The following MACROH2A1 variants were observed in gnomAD, a reference collection of about 807,000 sequenced individuals.
MACROH2A1 encodes core histone macro-H2A.1.
MACROH2A1 carries 2 observed loss-of-function variants against 31.6 expected under a neutral mutation model. The observed-to-expected ratio is 0.06, with a 90% CI of 0.03 to 0.20. The LOEUF (loss-of-function observed/expected upper bound fraction) is 0.20, where lower values mean the gene tolerates loss of function less well. Ranked by LOEUF, MACROH2A1 falls within the 10% of genes least tolerant of loss-of-function variation. The pLI, the probability that MACROH2A1 is intolerant of heterozygous loss-of-function variation, is 1.00. For synonymous variants in MACROH2A1, 169 were observed against 189.6 expected, an observed-to-expected ratio of 0.89 and a Z score of 0.89; for missense variants, 230 against 474.0, an observed-to-expected ratio of 0.49 and a Z score of 4.78.
chr5:135,359,607 C>T (rs973878411), intron 5 of MACROH2A1: 123 of 984,504 alleles, frequency 1.2e-4, no homozygotes, highest in African/African-American at 1.1e-3. Context: ...CTTGCAATGA[C>T]GTGAGCGAGG....
intron 8 of MACROH2A1, among the ~76,000 whole-genome samples, chr5:135,341,891 C>T (rs547069039): frequency 6.6e-6 from 1 of 152,352 alleles, no homozygotes; most frequent in African/African-American, 2.4e-5. Flanking sequence ...TGCTGCACAG[C>T]CCTGCCTTCC....
intron 1 of MACROH2A1, among the ~76,000 whole-genome samples, chr5:135,390,810 G>A (rs1767125092): frequency 6.6e-6 from 1 of 152,162 alleles, no homozygotes; most frequent in East Asian, 1.9e-4. Context: ...TCTAATCCCA[G>A]GTGCATCTCA....
intron 5 of MACROH2A1, chr5:135,360,175 G>T: frequency 2.9e-6 from 1 of 341,732 alleles, no homozygotes; most frequent in Non-Finnish European, 5.5e-6. Context: ...TTCCCTGGCT[G>T]GTGCTATCTG....
chr5:135,374,542 C>T (rs1764602699), intron 2 of MACROH2A1, among the ~76,000 whole-genome samples: 1 of 152,220 alleles, frequency 6.6e-6, no homozygotes, highest in African/African-American at 2.4e-5. Flanking sequence ...GGAGGGCTTT[C>T]TCCTAGGCTA....
At chr5:135,363,370 G>A (rs990642957) in intron 4 of MACROH2A1, among the ~76,000 whole-genome samples, 1 of 152,114 alleles carries the variant, frequency 6.6e-6, no homozygotes, top group Non-Finnish European at 1.5e-5. Context: ...CCACCCAACG[G>A]GACAACAGGG....
intron 1 of MACROH2A1, among the ~76,000 whole-genome samples, chr5:135,389,988 T>G (rs1381795798): frequency 6.6e-6 from 1 of 152,220 alleles, no homozygotes; most frequent in East Asian, 1.9e-4. Flanking sequence ...ACAATTCTCA[T>G]GATAGAACCA....
At chr5:135,382,326 A>G (rs1765766075) in intron 2 of MACROH2A1, among the ~76,000 whole-genome samples, 2 of 152,216 alleles carry the variant, frequency 1.3e-5, no homozygotes, top group Non-Finnish European at 1.5e-5. Flanking sequence ...CTTCAAAGTG[A>G]TATCATGAGA....
intron 7 of MACROH2A1, chr5:135,344,450 G>C (rs1173954220): frequency 6.6e-6 from 1 of 152,058 alleles, no homozygotes; most frequent in Non-Finnish European, 1.5e-5. Flanking sequence ...GAGAAGGAGC[G>C]ATTTGTGGGT....
intron 7 of MACROH2A1, 105 bp downstream of exon 7, chr5:135,345,863 G>T (rs571126553): frequency 1.3e-6 from 1 of 755,416 alleles, no homozygotes. Context: ...TTGAAGATGC[G>T]GCTGTGCTGC....
intron 5 of MACROH2A1, chr5:135,358,833 T>C: frequency 2.0e-6 from 2 of 985,184 alleles, no homozygotes; most frequent in Middle Eastern, 5.2e-4. Context: ...TTTTTATTCG[T>C]GTGATGCCTG....
At chr5:135,359,770 A>C in intron 5 of MACROH2A1, 6 of 954,424 alleles carry the variant, frequency 6.3e-6, no homozygotes, top group Non-Finnish European at 7.5e-6. Flanking sequence ...AGGATTAAAA[A>C]ATTAAGAAGA....
chr5:135,388,864 C>T, intron 2 of MACROH2A1, 58 bp downstream of exon 2: 1 of 1,390,936 alleles, frequency 7.2e-7, no homozygotes, highest in South Asian at 1.4e-5. Flanking sequence ...CTTTGGAGAA[C>T]TATGAGAACT....
chr5:135,349,026 T>C (rs1439554745), intron 6 of MACROH2A1, among the ~76,000 whole-genome samples: 1 of 152,240 alleles, frequency 6.6e-6, no homozygotes. Context: ...CAGCTGGGTC[T>C]GCCTGTTACT....
In MACROH2A1 at chr5:135,370,162, G is replaced by A; in HGVS notation, c.173-20C>T. The A allele has an allele frequency of 6.6e-7, 1 of 1,514,814 alleles. No homozygotes were observed. Among genetic ancestry groups the A allele is most frequent in the African/African-American group, 1.4e-5 (1 of 73,112 alleles). The allele number at this position is 1,514,814 out of a possible 1,614,324, so 93.8% of individuals were successfully genotyped here. A position where few individuals can be genotyped will look rare whatever the true frequency, so the allele number is the denominator to read the frequency against. Reference sequence around the variant, plus strand: ...TCTCCGCTGTGGGGAGCAGAGATGAGTGTATGGTCATGTTAGAGGACCATG... The same window carrying A: ...TCTCCGCTGTGGGGAGCAGAGATGAATGTATGGTCATGTTAGAGGACCATG... On this transcript the variant is annotated intron_variant, in intron 2 of 8. Transcript: ENST00000511689.
intron 6 of MACROH2A1, 77 bp from the exon 7 acceptor site, chr5:135,346,134 T>C: frequency 1.2e-6 from 1 of 852,162 alleles, no homozygotes; most frequent in East Asian, 2.4e-5. Flanking sequence ...GTCAGGTGAT[T>C]ACATACTTCA....
intron 6 of MACROH2A1, among the ~76,000 whole-genome samples, chr5:135,348,984 A>AAGAGACCC: frequency 6.6e-6 from 1 of 152,288 alleles, no homozygotes; most frequent in Middle Eastern, 3.4e-3. Context: ...TCCAGTCACA[A>AAGAGACCC]TTCAGGAAGG....
chr5:135,394,334 C>T (rs1767664979), intron 1 of MACROH2A1, among the ~76,000 whole-genome samples: 1 of 152,248 alleles, frequency 6.6e-6, no homozygotes, highest in African/African-American at 2.4e-5. Context: ...TGTGCTCCCT[C>T]TTCTGCATTC....
At chr5:135,341,569 G>T (rs2149723339) in intron 8 of MACROH2A1, among the ~76,000 whole-genome samples, 1 of 152,332 alleles carries the variant, frequency 6.6e-6, no homozygotes, top group African/African-American at 2.4e-5. Context: ...GAAAGCCCTG[G>T]GGAACGGTGG....
intron 1 of MACROH2A1, among the ~76,000 whole-genome samples, chr5:135,394,018 A>G (rs1362050453): frequency 6.6e-6 from 1 of 152,198 alleles, no homozygotes; most frequent in Non-Finnish European, 1.5e-5. Flanking sequence ...TTCTTTTAGC[A>G]CAGGACTAAT....
Sources: gnomAD v4.1 joint callset for allele counts (sites outside exome capture counted in the v4.1 genomes callset) on GRCh38, gnomAD v4.1.1 for gene constraint, MANE v1.5 for transcripts, NCBI Gene and HGNC (gene_info 2026-07-23, HGNC 2026-07-21) for gene names.